Variants in MS4A4A observed in about 807,000 individuals in gnomAD.
The protein encoded by MS4A4A is membrane-spanning 4-domains subfamily A member 4A.
In MS4A4A, 26 loss-of-function variants were observed where a neutral mutation model predicts 28.0. That is an observed-to-expected ratio of 0.93 (90% CI 0.68 to 1.29). The LOEUF (loss-of-function observed/expected upper bound fraction) is 1.29, where lower values mean the gene tolerates loss of function less well. MS4A4A is among the 50% of genes most tolerant of loss of function. MS4A4A has a pLI of 0.00. For missense variants in MS4A4A, 290 were observed against 293.1 expected, an observed-to-expected ratio of 0.99 and a Z score of 0.08; for synonymous variants, 86 against 100.8, an observed-to-expected ratio of 0.85 and a Z score of 0.88.
intron 6 of MS4A4A, among the ~76,000 whole-genome samples, chr11:60,307,115 C>T (rs2085009853): frequency 6.6e-6 from 1 of 152,218 alleles, no homozygotes; most frequent in South Asian, 2.1e-4. Flanking sequence ...CCAACAGCTA[C>T]TCATTAGCTT....
chr11:60,297,455 A>G, intron 3 of MS4A4A, 130 bp downstream of exon 3: 1 of 1,036,860 alleles, frequency 9.6e-7, no homozygotes, highest in Non-Finnish European at 1.4e-6. Context: ...ACCATTTCTT[A>G]CTCAATTTTC....
At chr11:60,293,008 A>T (rs1224492089) in intron 2 of MS4A4A, among the ~76,000 whole-genome samples, 1 of 152,222 alleles carries the variant, frequency 6.6e-6, no homozygotes, top group South Asian at 2.1e-4. Context: ...GTTATTTCTC[A>T]TAAAATATGT....
At chr11:60,291,177 G>A (rs972271015) in intron 1 of MS4A4A, among the ~76,000 whole-genome samples, 3 of 152,178 alleles carry the variant, frequency 2.0e-5, no homozygotes, top group African/African-American at 7.2e-5. Flanking sequence ...AGATATAAGA[G>A]TAATATGTTT....
intron 3 of MS4A4A, among the ~76,000 whole-genome samples, chr11:60,299,633 C>A (rs867575549): frequency 6.6e-6 from 1 of 151,792 alleles, no homozygotes; most frequent in Non-Finnish European, 1.5e-5. Context: ...CCACCACACC[C>A]GGCTAATTTT....
intron 2 of MS4A4A, among the ~76,000 whole-genome samples, chr11:60,294,247 C>G (rs1219988403): frequency 6.6e-6 from 1 of 152,148 alleles, no homozygotes; most frequent in Non-Finnish European, 1.5e-5. Flanking sequence ...TTTACCATCT[C>G]TATATCTTCT....
chr11:60,290,250 A>T (rs1296381040), intron 1 of MS4A4A: 3 of 256,946 alleles, frequency 1.2e-5, no homozygotes, highest in Non-Finnish European at 2.5e-5. Context: ...ACAGTAATTT[A>T]TGTTGTACAC....
intron 3 of MS4A4A, among the ~76,000 whole-genome samples, chr11:60,299,838 C>A (rs1204687907): frequency 1.3e-5 from 2 of 152,140 alleles, no homozygotes; most frequent in African/African-American, 4.8e-5. Flanking sequence ...AGCCTATCAA[C>A]ACTGTAAACA....
intron 1 of MS4A4A, among the ~76,000 whole-genome samples, chr11:60,282,437 C>A (rs551213901): frequency 6.6e-6 from 1 of 152,330 alleles, no homozygotes; most frequent in East Asian, 1.9e-4. Flanking sequence ...TAACACATTT[C>A]TTAAACCCTT....
intron 2 of MS4A4A, among the ~76,000 whole-genome samples, chr11:60,294,892 A>ACTTCTTCTTCTTCTTCTT (rs71036569): frequency 0.014 from 1,801 of 130,780 alleles, 39 homozygotes; most frequent in East Asian, 0.037. Context: ...TACAACTACT[A>ACTTCTTCTTCTTCTTCTT]CTTCTTCTTC....
intron 1 of MS4A4A, among the ~76,000 whole-genome samples, chr11:60,281,609 C>T (rs2084756030): frequency 6.6e-6 from 1 of 152,152 alleles, no homozygotes; most frequent in African/African-American, 2.4e-5. Flanking sequence ...TATTTGACAA[C>T]TTTGCCAAGA....
intron 1 of MS4A4A, among the ~76,000 whole-genome samples, 171 bp downstream of exon 1, chr11:60,280,887 G>A (rs115867187): frequency 1.6e-4 from 25 of 152,196 alleles, no homozygotes; most frequent in Non-Finnish European, 3.2e-4. Flanking sequence ...TGCATTCGGT[G>A]GGGGGATGAG....
intron 5 of MS4A4A, chr11:60,305,782 C>A (rs937256053): frequency 4.2e-6 from 1 of 239,848 alleles, no homozygotes; most frequent in African/African-American, 2.3e-5. Context: ...ATATGAGTTT[C>A]TAGTACTCAA....
In MS4A4A at chr11:60,293,263, G is replaced by T. The variant is rs201310865; in HGVS notation, c.201+879G>T. On this transcript the variant is annotated intron_variant, in intron 2 of 6. Coordinates refer to ENST00000337908, the MANE Select transcript of MS4A4A (RefSeq NM_148975.3). ...AGTAGAGACGGGGTTTCAGCATGTT[G>T]GTCAGGCTGGTCTTGAACTCCTGAC... Among the ~76,000 whole-genome samples the T allele has an allele frequency of 1.2e-4, 19 of 152,200 alleles. 2 individuals are homozygous for T. In the East Asian group the frequency reaches 3.7e-3, roughly 29 times the overall value.
chr11:60,301,188 T>A (rs2084950416), intron 4 of MS4A4A, 131 bp downstream of exon 4: 5 of 723,778 alleles, frequency 6.9e-6, no homozygotes, highest in Non-Finnish European at 8.5e-6. Flanking sequence ...TTTTACCTAC[T>A]AGAATCTGTC....
At chr11:60,288,783 T>C (rs939378629) in intron 1 of MS4A4A, among the ~76,000 whole-genome samples, 8 of 152,134 alleles carry the variant, frequency 5.3e-5, no homozygotes, top group African/African-American at 1.9e-4. Flanking sequence ...TGAAGCAGTA[T>C]AGAAATGACC....
chr11:60,286,018 G>T (rs2084800484), intron 1 of MS4A4A, among the ~76,000 whole-genome samples: 2 of 152,162 alleles, frequency 1.3e-5, no homozygotes, highest in South Asian at 4.1e-4. Flanking sequence ...CACCCCCAGA[G>T]CGGCTGTCCA....
At chr11:60,287,861 T>G (rs1042422216) in intron 1 of MS4A4A, among the ~76,000 whole-genome samples, 5 of 152,216 alleles carry the variant, frequency 3.3e-5, no homozygotes, top group African/African-American at 1.2e-4. Flanking sequence ...TGGTTTCAAG[T>G]GAGTCCAAAA....
chr11:60,290,596 T>A (rs148267633), intron 1 of MS4A4A, among the ~76,000 whole-genome samples: 181 of 152,114 alleles, frequency 1.2e-3, no homozygotes, highest in African/African-American at 3.9e-3. Context: ...TTATTATATT[T>A]GTCTTTCTTT....
chr11:60,286,718 G>C (rs1026250), intron 1 of MS4A4A, among the ~76,000 whole-genome samples: 26,838 of 152,106 alleles, frequency 0.18, 3,111 homozygotes, highest in African/African-American at 0.33. Context: ...CTTTAGGCTA[G>C]TCTTTGCATG....
Sources: gnomAD v4.1 joint callset for allele counts (sites outside exome capture counted in the v4.1 genomes callset) on GRCh38, gnomAD v4.1.1 for gene constraint, MANE v1.5 for transcripts, NCBI Gene and HGNC (gene_info 2026-07-23, HGNC 2026-07-21) for gene names.